The following KHDRBS2 variants were observed in gnomAD, a reference collection of about 807,000 sequenced individuals.
The protein encoded by KHDRBS2 is KH RNA binding domain containing, signal transduction associated 2, also known as KH domain-containing, RNA-binding, signal transduction-associated protein 2.
Under a neutral mutation model 44.3 loss-of-function variants are expected in KHDRBS2, and 26 were observed. That is an observed-to-expected ratio of 0.59 (90% CI 0.43 to 0.81). The LOEUF is 0.81. Ranked by LOEUF, KHDRBS2 falls within the 40% of genes least tolerant of loss-of-function variation. KHDRBS2 has a pLI of 0.00. For missense variants in KHDRBS2, 476 were observed against 433.1 expected (o/e 1.10, Z -0.88); for synonymous variants, 194 against 151.1 (o/e 1.28, Z -2.08).
At chr6:61,620,052 A>G in the KHDRBS2 span, among the ~76,000 whole-genome samples, 1 of 152,150 alleles carries the variant, frequency 6.6e-6, no homozygotes, top group South Asian at 2.1e-4. Context: ...TGCTTACCAC[A>G]TAATAATTTT....
intron 8 of KHDRBS2, among the ~76,000 whole-genome samples, chr6:61,689,327 G>C (rs1037011648): frequency 1.3e-5 from 2 of 151,856 alleles, no homozygotes; most frequent in Non-Finnish European, 2.9e-5. Flanking sequence ...TTTCCTTTGA[G>C]TTGTTCTGAA....
At chr6:61,771,462 C>T (rs145069061) in intron 6 of KHDRBS2, among the ~76,000 whole-genome samples, 26 of 152,004 alleles carry the variant, frequency 1.7e-4, no homozygotes, top group Non-Finnish European at 2.9e-4. Context: ...CAGAGACACA[C>T]ATAGGCTCAA....
chr6:62,034,924 A>G (rs1785013578), intron 3 of KHDRBS2, among the ~76,000 whole-genome samples: 1 of 152,016 alleles, frequency 6.6e-6, no homozygotes, highest in Non-Finnish European at 1.5e-5. Context: ...GCAAATTAAA[A>G]CTACAATGAG....
At chr6:61,760,653 G>GA (rs899082153) in intron 6 of KHDRBS2, among the ~76,000 whole-genome samples, 28 of 147,568 alleles carry the variant, frequency 1.9e-4, no homozygotes, top group South Asian at 1.3e-3. Context: ...AGGAAAAAAA[G>GA]AAAAAAAAAG....
chr6:61,846,288 G>T (rs944854389), intron 6 of KHDRBS2, among the ~76,000 whole-genome samples: 9 of 152,180 alleles, frequency 5.9e-5, no homozygotes, highest in African/African-American at 2.2e-4. Context: ...TGATTAAATT[G>T]CATGCTCCAT....
At chr6:62,006,434 A>G (rs1454135922) in intron 3 of KHDRBS2, among the ~76,000 whole-genome samples, 3 of 152,058 alleles carry the variant, frequency 2.0e-5, no homozygotes, top group African/African-American at 7.2e-5. Flanking sequence ...AGAAGGAATA[A>G]ATCAAATAAA....
intron 4 of KHDRBS2, among the ~76,000 whole-genome samples, chr6:61,965,243 C>T (rs1321617678): frequency 6.6e-6 from 1 of 152,014 alleles, no homozygotes; most frequent in Non-Finnish European, 1.5e-5. Flanking sequence ...GCTCCCCCTA[C>T]TTACAAATCA....
At chr6:61,630,909 G>A in the KHDRBS2 span, among the ~76,000 whole-genome samples, 2 of 152,146 alleles carry the variant, frequency 1.3e-5, no homozygotes, top group African/African-American at 4.8e-5. Flanking sequence ...TTTGTATTCT[G>A]TGGTTTTTTA....
At chr6:62,124,640 G>A (rs1225910227) in intron 2 of KHDRBS2, among the ~76,000 whole-genome samples, 1 of 148,198 alleles carries the variant, frequency 6.7e-6, no homozygotes, top group Non-Finnish European at 1.5e-5. Flanking sequence ...CCAATCATCT[G>A]TTGATGGACA....
intron 1 of KHDRBS2, among the ~76,000 whole-genome samples, chr6:62,275,764 C>T (rs2150192368): frequency 6.6e-6 from 1 of 152,234 alleles, no homozygotes; most frequent in Non-Finnish European, 1.5e-5. Context: ...TGCTTTTTGA[C>T]ACTCTTTCAC....
At chr6:61,596,782 G>A in the KHDRBS2 span, among the ~76,000 whole-genome samples, 3 of 151,872 alleles carry the variant, frequency 2.0e-5, no homozygotes, top group Admixed American at 1.3e-4. Flanking sequence ...CTCCTGAGTA[G>A]CTGGGACTAC....
chr6:61,861,660 G>GTT (rs201174175), intron 6 of KHDRBS2, among the ~76,000 whole-genome samples: 2 of 147,490 alleles, frequency 1.4e-5, no homozygotes, highest in African/African-American at 5.0e-5. Flanking sequence ...CTCCAGTTTT[G>GTT]TTTTTTTTTT....
intron 6 of KHDRBS2, among the ~76,000 whole-genome samples, chr6:61,735,584 C>T (rs1466663011): frequency 6.6e-6 from 1 of 152,104 alleles, no homozygotes; most frequent in Non-Finnish European, 1.5e-5. Flanking sequence ...AGTTCCCCAA[C>T]CTTTTATTGC....
chr6:61,569,191 T>C, the KHDRBS2 span, among the ~76,000 whole-genome samples: 2 of 152,052 alleles, frequency 1.3e-5, no homozygotes, highest in Non-Finnish European at 2.9e-5. Flanking sequence ...CATAACTCCA[T>C]GGGTCTGAGA....
chr6:62,202,561 T>C (rs1164562369), intron 1 of KHDRBS2, among the ~76,000 whole-genome samples: 2 of 151,982 alleles, frequency 1.3e-5, no homozygotes, highest in Admixed American at 6.6e-5. Flanking sequence ...GTGAATAAAA[T>C]AGAACAAAGT....
intron 6 of KHDRBS2, among the ~76,000 whole-genome samples, chr6:61,821,904 C>A (rs1583013579): frequency 6.6e-6 from 1 of 151,926 alleles, no homozygotes; most frequent in Admixed American, 6.6e-5. Context: ...CTAGTATGCA[C>A]ACTCCAGATA....
chr6:62,073,029 G>T lies in KHDRBS2; in HGVS notation c.220-25035C>A, dbSNP rs62416728. Among the ~76,000 whole-genome samples, 673 of 152,082 alleles carry T rather than the reference G, an allele frequency of 4.4e-3. 2 individuals carry two copies. The highest frequency in any genetic ancestry group is 7.0e-3 in the Non-Finnish European group (478 of 67,972). Reference sequence around the variant, plus strand: ...TGCCTCAATTTCAGAGCCTGCTATCGGTCTATTCAGAGATTCAACTTCTTC... The same window carrying T: ...TGCCTCAATTTCAGAGCCTGCTATCTGTCTATTCAGAGATTCAACTTCTTC... On this transcript the variant is annotated intron_variant, in intron 2 of 8. Transcript: ENST00000281156.
chr6:62,264,219 C>T (rs1838822172), intron 1 of KHDRBS2, among the ~76,000 whole-genome samples: 1 of 151,694 alleles, frequency 6.6e-6, no homozygotes, highest in South Asian at 2.1e-4. Flanking sequence ...TGAAAAAATA[C>T]TAACTGATCA....
At chr6:61,932,213 C>T (rs1810190549) in intron 4 of KHDRBS2, among the ~76,000 whole-genome samples, 1 of 152,070 alleles carries the variant, frequency 6.6e-6, no homozygotes, top group African/African-American at 2.4e-5. Flanking sequence ...GTCAACTATA[C>T]ATATACATTG....
Sources: allele counts gnomAD v4.1 joint callset (sites outside exome capture counted in the v4.1 genomes callset), GRCh38; gene constraint gnomAD v4.1.1; transcripts MANE v1.5; gene names NCBI Gene and HGNC (gene_info 2026-07-23, HGNC 2026-07-21).